ASCC3: variants seen among roughly 807,000 people sequenced by gnomAD.
The protein encoded by ASCC3 is ASC-1 complex subunit P200.
In ASCC3, 158 loss-of-function variants were observed where a neutral mutation model predicts 256.3. That is an observed-to-expected ratio of 0.62 (90% confidence interval 0.54 to 0.70). The LOEUF (loss-of-function observed/expected upper bound fraction) is 0.70. Ranked by LOEUF, ASCC3 falls within the 30% of genes least tolerant of loss-of-function variation. The pLI, the probability that ASCC3 is intolerant of heterozygous loss-of-function variation, is 0.00. For missense variants in ASCC3, 2,259 were observed against 2,626.0 expected, an observed-to-expected ratio of 0.86 and a Z score of 3.05; for synonymous variants, 948 against 883.4, an observed-to-expected ratio of 1.07 and a Z score of -1.30.
intron 37 of ASCC3, among the ~76,000 whole-genome samples, chr6:100,528,460 C>T (rs866228143): frequency 9.9e-5 from 15 of 152,204 alleles, no homozygotes; most frequent in South Asian, 4.2e-4. Flanking sequence ...TTGGCTAGCA[C>T]ATATGACAAT....
At position 100,800,302 on chromosome 6, in the gene ASCC3, T is replaced by A. The variant is rs1769847323; in HGVS notation, c.1125A>T (p.Gln375His). 2.8e-5 allele frequency: 45 copies of A among 1,612,590 alleles called. No individual in the cohort carries two copies. Among genetic ancestry groups the A allele is most frequent in the Non-Finnish European group, 3.7e-5 (44 of 1,179,058 alleles). The change falls in exon 6 of 42, where the codon CAA becomes CAT. Residue 375 changes from glutamine (Q) to histidine (H), a missense_variant and splice_region_variant. Transcript: ENST00000369162. ...MCFDPKELRI[Q>H]REQALLNARS... ...TTTCAGCTCCTGGCTTTTATTACCT[T>A]TGTATCCGCAATTCCTTAGGATCAA...
chr6:100,854,578 A>T (rs976410834), intron 3 of ASCC3, among the ~76,000 whole-genome samples: 5 of 152,212 alleles, frequency 3.3e-5, no homozygotes, highest in African/African-American at 1.2e-4. Flanking sequence ...AAATAGTTCA[A>T]GGCATTTCCC....
chr6:100,606,629 T>C (rs1772901943), intron 32 of ASCC3, 111 bp downstream of exon 32: 3 of 1,234,424 alleles, frequency 2.4e-6, no homozygotes, highest in South Asian at 3.2e-5. Flanking sequence ...TGTTTAAATG[T>C]GACCAATTCT....
At chr6:100,818,981 C>T (rs1770906006) in intron 4 of ASCC3, among the ~76,000 whole-genome samples, 3 of 152,094 alleles carry the variant, frequency 2.0e-5, no homozygotes, top group Admixed American at 2.0e-4. Flanking sequence ...GAATACTATG[C>T]AGCCATAAAA....
intron 14 of ASCC3, among the ~76,000 whole-genome samples, chr6:100,676,762 T>TCA (rs75606780): frequency 0.015 from 2,313 of 150,714 alleles, 20 homozygotes; most frequent in Non-Finnish European, 0.021. Flanking sequence ...ACACACACAC[T>TCA]CACACACACA....
At chr6:100,667,918 G>A (rs965136211) in intron 14 of ASCC3, among the ~76,000 whole-genome samples, 9 of 151,790 alleles carry the variant, frequency 5.9e-5, no homozygotes, top group African/African-American at 1.9e-4. Context: ...ATCATTGGTA[G>A]AACCAATGAT....
chr6:100,606,137 C>T (rs1211708836), intron 32 of ASCC3, among the ~76,000 whole-genome samples: 4 of 151,798 alleles, frequency 2.6e-5, no homozygotes, highest in Non-Finnish European at 5.9e-5. Context: ...CTCCCTGCAC[C>T]CCGGTATAAA....
chr6:100,577,742 C>CCACACACACACA (rs139409330), intron 36 of ASCC3, among the ~76,000 whole-genome samples: 1 of 149,450 alleles, frequency 6.7e-6, no homozygotes, highest in African/African-American at 2.4e-5. Context: ...ACCCACCCAC[C>CCACACACACACA]CACACACACA....
At chr6:100,874,901 A>T (rs1469111127) in intron 1 of ASCC3, among the ~76,000 whole-genome samples, 1 of 152,216 alleles carries the variant, frequency 6.6e-6, no homozygotes, top group Non-Finnish European at 1.5e-5. Context: ...CCAAAATAAC[A>T]GACTTAATTA....
chr6:100,858,434 A>G (rs1773064727), intron 3 of ASCC3: 1 of 383,474 alleles, frequency 2.6e-6, no homozygotes, highest in Non-Finnish European at 3.6e-6. Flanking sequence ...AGCATTAAGT[A>G]TGTTTTCTCC....
intron 34 of ASCC3, among the ~76,000 whole-genome samples, chr6:100,592,566 G>C (rs1396596003): frequency 6.6e-6 from 1 of 151,840 alleles, no homozygotes; most frequent in Non-Finnish European, 1.5e-5. Context: ...ATAAAATTTT[G>C]GGAGTTAATA....
chr6:100,826,988 G>A (rs891058070), intron 4 of ASCC3, among the ~76,000 whole-genome samples: 3 of 152,110 alleles, frequency 2.0e-5, no homozygotes, highest in African/African-American at 7.2e-5. Context: ...GTAATCAACA[G>A]CCATATGTGG....
intron 13 of ASCC3, among the ~76,000 whole-genome samples, chr6:100,712,150 C>T (rs1778880461): frequency 6.6e-6 from 1 of 152,080 alleles, no homozygotes; most frequent in South Asian, 2.1e-4. Flanking sequence ...TGGAAAACCA[C>T]AAAATTATAA....
At chr6:100,671,682 A>G (rs570021349) in intron 14 of ASCC3, among the ~76,000 whole-genome samples, 2 of 152,218 alleles carry the variant, frequency 1.3e-5, no homozygotes, top group South Asian at 2.1e-4. Flanking sequence ...AAGGCATTAT[A>G]TTCCTTTCCC....
chr6:100,520,369 C>A lies in ASCC3; in HGVS notation c.5776-2227G>T, dbSNP rs1007610125. ...CCTCTGTACACTTAGTAGAGCAATA[C>A]GTAACTACTCATATTTTCCCACAAT... On this transcript the variant is annotated intron_variant, in intron 37 of 41. Coordinates refer to ENST00000369162, the MANE Select transcript of ASCC3 (RefSeq NM_006828.4). 1.5e-4 allele frequency among the ~76,000 whole-genome samples: 23 copies of A among 152,112 alleles called. No individual in the cohort carries two copies. In the East Asian group the frequency reaches 3.7e-3, roughly 24 times the overall value.
chr6:100,530,155 A>T, intron 37 of ASCC3: 1 of 586,648 alleles, frequency 1.7e-6, no homozygotes, highest in Non-Finnish European at 3.1e-6. Flanking sequence ...CTCTATGTGC[A>T]TGTGTGTGAG....
At chr6:100,872,188 G>T (rs918328145) in intron 1 of ASCC3, among the ~76,000 whole-genome samples, 1 of 152,102 alleles carries the variant, frequency 6.6e-6, no homozygotes, top group African/African-American at 2.4e-5. Context: ...CTCTGGCATG[G>T]TCTTACAAAT....
In ASCC3 at chr6:100,512,792, C is replaced by A. The variant is rs202159902; in HGVS notation, c.6202G>T (p.Asp2068Tyr). 23 of 1,613,992 alleles carry A rather than the reference C, an allele frequency of 1.4e-5. No homozygotes were observed. Among genetic ancestry groups the A allele is most frequent in the Non-Finnish European group, 1.9e-5 (22 of 1,180,000 alleles). The change falls in exon 40 of 42, where the codon GAC becomes TAC. Residue 2068 changes from aspartate to tyrosine, a missense_variant. Asp to Tyr is a radical substitution (Grantham distance 160). Coordinates refer to ENST00000369162, the MANE Select transcript of ASCC3 (RefSeq NM_006828.4). The stretch of plus-strand genomic sequence containing the variant: ...GCATGCAATTTGATCCATTTGTTGT[C>A]ATCTCGTTTGTCTGCAGTCAGAGTT... ...VSTLTADKRD[D>Y]NKWIKLHADQ...
At position 100,532,406 on chromosome 6, in the gene ASCC3, ATTTTTTTTT is replaced by A. The variant is rs57203625; in HGVS notation, c.5775+7748_5775+7756del. On this transcript the variant is annotated intron_variant, in intron 37 of 41. Transcript: ENST00000369162. ...TATATATATATATATATATATATAT[ATTTTTTTTT>A]TTTTTTTTTTTTAAATTACAAAAGC... Among the ~76,000 whole-genome samples the A allele has an allele frequency of 1.3e-3, 62 of 48,478 alleles. 1 individual carries two copies. The highest frequency in any genetic ancestry group is 2.0e-3 in the African/African-American group (28 of 14,020). 31.8% of individuals were successfully genotyped at this position (48,478 alleles called of 152,430 possible).
Sources: allele counts gnomAD v4.1 joint callset (sites outside exome capture counted in the v4.1 genomes callset), GRCh38; gene constraint gnomAD v4.1.1; transcripts MANE v1.5; gene names NCBI Gene and HGNC (gene_info 2026-07-23, HGNC 2026-07-21).